The following PTPRD variants were observed in gnomAD, a reference collection of about 807,000 sequenced individuals.
PTPRD encodes receptor-type tyrosine-protein phosphatase delta.
PTPRD carries 34 observed loss-of-function variants against 214.5 expected under a neutral mutation model. That is an observed-to-expected ratio of 0.16 (90% CI 0.12 to 0.21). The LOEUF is 0.21. Among genes scored for constraint, PTPRD ranks in the 10% least tolerant of loss-of-function variants. PTPRD has a pLI of 1.00. For synonymous variants in PTPRD, 1,128 were observed against 845.7 expected (o/e 1.33, Z -5.79); for missense variants, 2,545 against 2,398.7 (o/e 1.06, Z -1.27).
chr9:8,420,717 T>C (rs1265933266), intron 35 of PTPRD, among the ~76,000 whole-genome samples: 1 of 152,084 alleles, frequency 6.6e-6, no homozygotes, highest in Non-Finnish European at 1.5e-5. Flanking sequence ...TTATGAAATT[T>C]ATAGGCAGAT....
intron 14 of PTPRD, among the ~76,000 whole-genome samples, chr9:8,561,622 T>A (rs1376974773): frequency 1.3e-5 from 2 of 151,196 alleles, no homozygotes; most frequent in Admixed American, 6.6e-5. Flanking sequence ...GGGTGGAGAG[T>A]GGAGGGCACA....
intron 7 of PTPRD, among the ~76,000 whole-genome samples, chr9:9,639,654 A>C (rs2154365038): frequency 6.6e-6 from 1 of 152,292 alleles, no homozygotes; most frequent in East Asian, 1.9e-4. Flanking sequence ...AAGCTTTTTA[A>C]AAACATAAAT....
intron 8 of PTPRD, among the ~76,000 whole-genome samples, chr9:9,472,133 T>A (rs962800457): frequency 2.0e-5 from 3 of 151,906 alleles, no homozygotes; most frequent in African/African-American, 7.2e-5. Context: ...CAAAAGGACG[T>A]GTCTCATTTA....
At chr9:8,658,188 T>C (rs942665374) in intron 12 of PTPRD, among the ~76,000 whole-genome samples, 5 of 152,322 alleles carry the variant, frequency 3.3e-5, no homozygotes, top group Middle Eastern at 3.4e-3. Context: ...ACAGATAACA[T>C]GTATAACAGA....
chr9:9,258,090 G>GAGATAGAT (rs71319208), intron 9 of PTPRD, among the ~76,000 whole-genome samples: 14,794 of 148,294 alleles, frequency 0.1, 767 homozygotes, highest in Middle Eastern at 0.18. Flanking sequence ...TGAATGGATA[G>GAGATAGAT]AGATAGATAG....
intron 7 of PTPRD, among the ~76,000 whole-genome samples, chr9:9,643,846 T>TA: frequency 6.6e-6 from 1 of 152,274 alleles, no homozygotes; most frequent in Non-Finnish European, 1.5e-5. Context: ...CCTAGTTTTC[T>TA]AAAAATATCT....
intron 11 of PTPRD, among the ~76,000 whole-genome samples, chr9:8,803,559 C>A (rs1383777194): frequency 6.6e-6 from 1 of 151,692 alleles, no homozygotes; most frequent in South Asian, 2.1e-4. Context: ...ATAGTGAAAC[C>A]CCGGTTCTAC....
At chr9:9,921,684 C>A in intron 5 of PTPRD, among the ~76,000 whole-genome samples, 1 of 149,378 alleles carries the variant, frequency 6.7e-6, no homozygotes, top group Non-Finnish European at 1.5e-5. Flanking sequence ...AGGTATCAAT[C>A]TCTTTTCCTT....
intron 7 of PTPRD, among the ~76,000 whole-genome samples, chr9:9,733,098 C>A (rs1427300027): frequency 1.3e-5 from 2 of 152,176 alleles, no homozygotes; most frequent in South Asian, 4.1e-4. Context: ...CAATGAAAGG[C>A]TAAACTAGTC....
intron 14 of PTPRD, among the ~76,000 whole-genome samples, chr9:8,569,953 G>C (rs1048589754): frequency 6.6e-6 from 1 of 152,066 alleles, no homozygotes; most frequent in African/African-American, 2.4e-5. Flanking sequence ...AACAACATTT[G>C]GGTACATAAT....
chr9:9,019,296 G>GAAAGAAAGAAAGAAAGA (rs1193485855), intron 10 of PTPRD, among the ~76,000 whole-genome samples: 1 of 45,874 alleles, frequency 2.2e-5, no homozygotes, highest in African/African-American at 7.9e-5. Flanking sequence ...AAGAAAGAAA[G>GAAAGAAAGAAAGAAAGA]AAAGAAAGAA....
intron 3 of PTPRD, among the ~76,000 whole-genome samples, chr9:10,156,231 T>C (rs1009446831): frequency 1.3e-5 from 2 of 152,064 alleles, no homozygotes; most frequent in South Asian, 4.2e-4. Flanking sequence ...GATGTTAGGT[T>C]GTTAATTTGA....
intron 8 of PTPRD, among the ~76,000 whole-genome samples, chr9:9,540,822 A>G (rs2077434746): frequency 6.6e-6 from 1 of 151,770 alleles, no homozygotes; most frequent in Non-Finnish European, 1.5e-5. Flanking sequence ...TATTAAGTAT[A>G]GGTGAGAAAG....
At chr9:10,588,288 A>C (rs2074453573) in intron 2 of PTPRD, among the ~76,000 whole-genome samples, 1 of 152,024 alleles carries the variant, frequency 6.6e-6, no homozygotes, top group Admixed American at 6.6e-5. Flanking sequence ...TGCAAAGTAC[A>C]TGAGTAAAAT....
rs141930979 is a variant in PTPRD at position 9,079,946 on chromosome 9, G to C, written c.-142-61211C>G. On this transcript the variant is annotated intron_variant, in intron 10 of 45. Transcript: ENST00000381196. ...GTTTCTACTGATGTTTAATATTTAA[G>C]TGTGCACAGTATGCTTGATGAAGCT... Among the ~76,000 whole-genome samples, 120 of 152,126 alleles carry C rather than the reference G, an allele frequency of 7.9e-4. No individual in the cohort carries two copies. The Middle Eastern group carries it at 0.024, about 30-fold the overall frequency.
chr9:8,780,474 T>A (rs2095651507), intron 11 of PTPRD, among the ~76,000 whole-genome samples: 1 of 152,204 alleles, frequency 6.6e-6, no homozygotes, highest in Admixed American at 6.5e-5. Context: ...GACTAGGTAA[T>A]GTTTTCCTCA....
intron 6 of PTPRD, among the ~76,000 whole-genome samples, chr9:9,738,936 G>C (rs191040150): frequency 6.6e-6 from 1 of 152,078 alleles, no homozygotes; most frequent in African/African-American, 2.4e-5. Context: ...ATTCTGATTT[G>C]ATATTTTTAT....
chr9:8,626,407 T>C (rs894731806), intron 14 of PTPRD, among the ~76,000 whole-genome samples: 2 of 151,816 alleles, frequency 1.3e-5, no homozygotes, highest in African/African-American at 4.8e-5. Context: ...CTCATTTTCT[T>C]TTACTACTAC....
At chr9:9,099,592 T>G (rs894644543) in intron 10 of PTPRD, among the ~76,000 whole-genome samples, 9 of 152,174 alleles carry the variant, frequency 5.9e-5, no homozygotes, top group Admixed American at 3.3e-4. Flanking sequence ...CTTGAGTTAC[T>G]ACCGGGCAGG....
Sources: gnomAD v4.1 joint callset for allele counts (sites outside exome capture counted in the v4.1 genomes callset) on GRCh38, gnomAD v4.1.1 for gene constraint, MANE v1.5 for transcripts, NCBI Gene and HGNC (gene_info 2026-07-23, HGNC 2026-07-21) for gene names.